Variants in ACAD10 observed in about 807,000 individuals in gnomAD.
ACAD10 encodes the protein ACAD-10.
A neutral mutation model predicts 116.8 loss-of-function variants in ACAD10; 112 were observed. The observed-to-expected ratio is 0.96, with a 90% CI of 0.82 to 1.12. The LOEUF (loss-of-function observed/expected upper bound fraction) is 1.12, where lower values mean the gene tolerates loss of function less well. Ranked by LOEUF, ACAD10 falls within the 50% of genes most tolerant of loss-of-function variation. ACAD10 has a pLI of 0.00. For synonymous variants in ACAD10, 486 were observed against 510.6 expected (o/e 0.95, Z 0.65); for missense variants, 1,259 against 1,350.2 (o/e 0.93, Z 1.06).
chr12:111,703,067 T>G (rs940372047), intron 3 of ACAD10, among the ~76,000 whole-genome samples: 1 of 141,194 alleles, frequency 7.1e-6, no homozygotes, highest in Non-Finnish European at 1.5e-5. Context: ...TTGGGCAACG[T>G]AACAAGACTC....
intron 2 of ACAD10, among the ~76,000 whole-genome samples, chr12:111,695,505 C>A (rs1048963510): frequency 6.6e-6 from 1 of 152,060 alleles, no homozygotes; most frequent in Admixed American, 6.6e-5. Context: ...TTCATGTCTC[C>A]TCTATGGGGC....
intron 8 of ACAD10, among the ~76,000 whole-genome samples, chr12:111,723,544 A>G (rs1448085613): frequency 3.9e-3 from 341 of 88,398 alleles, no homozygotes; most frequent in Middle Eastern, 0.019. Context: ...AGGGGCGGCC[A>G]GGCAGAGGCG....
chr12:111,689,741 A>C (rs1887983373), intron 1 of ACAD10, among the ~76,000 whole-genome samples: 1 of 146,532 alleles, frequency 6.8e-6, no homozygotes, highest in African/African-American at 2.5e-5. Context: ...TTTGAGATGG[A>C]GTCTCACTCT....
At chr12:111,718,240 G>A (rs1181034417) in intron 7 of ACAD10, among the ~76,000 whole-genome samples, 3 of 151,446 alleles carry the variant, frequency 2.0e-5, no homozygotes, top group East Asian at 3.9e-4. Context: ...GTAGAGATGG[G>A]GTTTCCCCAT....
rs1005908334 is a variant in ACAD10 at position 111,753,679 on chromosome 12, G to A, written c.2818-93G>A. ...TCTCCTCCCCTGCCCTGTCCTGTCT[G>A]CTTCCACCCAGCTCTGCAGGCCACC... On this transcript the variant is annotated intron_variant, in intron 18 of 20. Coordinates refer to ENST00000313698, the MANE Select transcript of ACAD10 (RefSeq NM_025247.6). 14 of 1,562,158 alleles carry A rather than the reference G, an allele frequency of 9.0e-6. No individual in the cohort carries two copies. The Admixed American group carries it at 1.7e-4, about 19-fold the overall frequency.
intron 4 of ACAD10, among the ~76,000 whole-genome samples, chr12:111,706,159 A>G (rs1201136245): frequency 6.6e-6 from 1 of 152,210 alleles, no homozygotes; most frequent in East Asian, 1.9e-4. Context: ...TTGACACTTC[A>G]GCTTTACATT....
intron 5 of ACAD10, among the ~76,000 whole-genome samples, chr12:111,710,836 T>C (rs1199677472): frequency 6.6e-6 from 1 of 152,144 alleles, no homozygotes; most frequent in Non-Finnish European, 1.5e-5. Flanking sequence ...TTTGAACTCC[T>C]GGACTCCAGC....
chr12:111,748,296 G>A, intron 16 of ACAD10, 21 bp from the exon 17 acceptor site: 1 of 1,613,784 alleles, frequency 6.2e-7, no homozygotes, highest in Non-Finnish European at 8.5e-7. Context: ...GATGGGGTCT[G>A]TCTCTCTCCT....
chr12:111,748,916 T>C, intron 17 of ACAD10: 1 of 1,239,158 alleles, frequency 8.1e-7, no homozygotes. Context: ...ACTAGGAGCT[T>C]CAGCTTAAGG....
At chr12:111,700,446 C>T (rs759521532) in intron 2 of ACAD10, among the ~76,000 whole-genome samples, 7 of 152,102 alleles carry the variant, frequency 4.6e-5, no homozygotes, top group Non-Finnish European at 2.9e-5. Flanking sequence ...AGAATTACTA[C>T]GTCAAATGTA....
chr12:111,724,105 G>A (rs112696901), intron 8 of ACAD10, among the ~76,000 whole-genome samples: 1 of 150,950 alleles, frequency 6.6e-6, no homozygotes, highest in Non-Finnish European at 1.5e-5. Flanking sequence ...TTCCTAGATG[G>A]GATGGCGTCT....
At chr12:111,723,264 C>T (rs1455453094) in intron 8 of ACAD10, among the ~76,000 whole-genome samples, 48 of 115,130 alleles carry the variant, frequency 4.2e-4, no homozygotes, top group Middle Eastern at 7.7e-3. Context: ...CCAGTAGGGG[C>T]GGCCGGGCAG....
chr12:111,728,938 CCCAAAGTG>C (rs1889307826), intron 9 of ACAD10, among the ~76,000 whole-genome samples: 1 of 152,190 alleles, frequency 6.6e-6, no homozygotes, highest in Non-Finnish European at 1.5e-5. Context: ...GATTTGGCCT[CCCAAAGTG>C]TTGGGATTAC....
At chr12:111,690,810 T>C (rs1888017602) in intron 1 of ACAD10, among the ~76,000 whole-genome samples, 2 of 150,216 alleles carry the variant, frequency 1.3e-5, no homozygotes, top group African/African-American at 5.0e-5. Context: ...GAGTTTCTGA[T>C]TTTGGAGCAT....
chr12:111,727,462 T>C (rs886456177), intron 8 of ACAD10, among the ~76,000 whole-genome samples: 11 of 151,770 alleles, frequency 7.2e-5, no homozygotes, highest in South Asian at 2.1e-4. Flanking sequence ...AGGCGGAGCT[T>C]GCAGTGAGCC....
chr12:111,694,278 G>T (rs1182329171), intron 2 of ACAD10, among the ~76,000 whole-genome samples: 1 of 152,108 alleles, frequency 6.6e-6, no homozygotes, highest in East Asian at 1.9e-4. Flanking sequence ...TTATCTCTCT[G>T]TTCCTTCACT....
intron 11 of ACAD10, among the ~76,000 whole-genome samples, chr12:111,735,223 CAA>C (rs756141944): frequency 7.2e-5 from 7 of 97,098 alleles, no homozygotes; most frequent in Admixed American, 1.1e-4. Flanking sequence ...GACTCCATCT[CAA>C]AAAAAAAAAA....
At chr12:111,722,681 TCAGAGAGCACAGGGTTG>T (rs1427206567) in intron 8 of ACAD10, among the ~76,000 whole-genome samples, 1 of 152,156 alleles carries the variant, frequency 6.6e-6, no homozygotes, top group Non-Finnish European at 1.5e-5. Flanking sequence ...AGCACATGTT[TCAGAGAGCACAGGGTTG>T]GGGGCAAGGT....
chr12:111,725,781 C>T (rs143979754), intron 8 of ACAD10, among the ~76,000 whole-genome samples: 2,810 of 151,794 alleles, frequency 0.019, 93 homozygotes, highest in African/African-American at 0.062. Flanking sequence ...GTGATCCATC[C>T]GCCTCGGCCT....
Sources: gnomAD v4.1 joint callset for allele counts (sites outside exome capture counted in the v4.1 genomes callset) on GRCh38, gnomAD v4.1.1 for gene constraint, MANE v1.5 for transcripts, NCBI Gene and HGNC (gene_info 2026-07-23, HGNC 2026-07-21) for gene names.